GPC6: variants seen among roughly 807,000 people sequenced by gnomAD.
The protein encoded by GPC6 is glypican 6, also known as glypican-6.
GPC6 carries 14 observed loss-of-function variants against 55.2 expected under a neutral mutation model. The observed-to-expected ratio is 0.25, with a 90% confidence interval of 0.17 to 0.40. The LOEUF (loss-of-function observed/expected upper bound fraction) is 0.40. GPC6 is among the 10% of genes least tolerant of loss of function. The pLI, the probability that GPC6 is intolerant of heterozygous loss-of-function variation, is 1.00. For missense variants in GPC6, 641 were observed against 708.5 expected, an observed-to-expected ratio of 0.90 and a Z score of 1.08; for synonymous variants, 278 against 259.6, an observed-to-expected ratio of 1.07 and a Z score of -0.68.
chr13:94,362,107 G>T (rs1174054180), intron 6 of GPC6, among the ~76,000 whole-genome samples: 1 of 152,146 alleles, frequency 6.6e-6, no homozygotes, highest in Middle Eastern at 3.2e-3. Flanking sequence ...GACTCATTAA[G>T]CTGGAAAGTC....
At chr13:93,383,220 T>C (rs577826517) in intron 1 of GPC6, among the ~76,000 whole-genome samples, 2 of 152,256 alleles carry the variant, frequency 1.3e-5, no homozygotes, top group East Asian at 1.9e-4. Context: ...AATCTCCATA[T>C]ATTTATTTTG....
intron 6 of GPC6, among the ~76,000 whole-genome samples, chr13:94,347,916 C>T (rs1355931116): frequency 1.3e-5 from 2 of 152,188 alleles, no homozygotes; most frequent in African/African-American, 2.4e-5. Context: ...GGTGGGTACC[C>T]GATGTGCGAG....
rs1195177179 is a variant in GPC6, at chr13:93,780,209, CCAGT to C, written c.320-49942_320-49939del. On this transcript the variant is annotated intron_variant, in intron 2 of 8. Transcript: ENST00000377047. ...TTCCGCAAACTGTGAAGAAAACACA[CCAGT>C]CAACCTATAATTAAATATGTGTATT... Among the ~76,000 whole-genome samples, 11 of 152,020 alleles carry C rather than the reference CCAGT, an allele frequency of 7.2e-5. No individual in the cohort carries two copies. The South Asian group carries it at 1.5e-3, about 20-fold the overall frequency.
At chr13:93,862,017 C>CTCTCT (rs1040370443) in intron 3 of GPC6, among the ~76,000 whole-genome samples, 3 of 151,582 alleles carry the variant, frequency 2.0e-5, no homozygotes, top group African/African-American at 7.3e-5. Flanking sequence ...ATCACAAACC[C>CTCTCT]TCTCTCTATC....
intron 3 of GPC6, among the ~76,000 whole-genome samples, chr13:93,868,941 C>G (rs1234229623): frequency 1.3e-5 from 2 of 151,790 alleles, no homozygotes; most frequent in African/African-American, 4.8e-5. Flanking sequence ...GAGAGAAGTT[C>G]GGAACTGCTT....
At chr13:94,023,521 G>A (rs977791576) in intron 3 of GPC6, among the ~76,000 whole-genome samples, 2 of 151,918 alleles carry the variant, frequency 1.3e-5, no homozygotes, top group Admixed American at 1.3e-4. Context: ...CATATTGCTG[G>A]TAGAAATGTA....
At chr13:94,037,241 A>G (rs575060773) in intron 4 of GPC6, among the ~76,000 whole-genome samples, 70 of 152,050 alleles carry the variant, frequency 4.6e-4, no homozygotes, top group African/African-American at 1.6e-3. Flanking sequence ...GTATTTTTCA[A>G]TTAAATCCCT....
intron 3 of GPC6, among the ~76,000 whole-genome samples, chr13:93,833,196 G>C (rs1159272676): frequency 6.6e-6 from 1 of 151,304 alleles, no homozygotes; most frequent in Non-Finnish European, 1.5e-5. Flanking sequence ...GAAAGAAGCT[G>C]AGCAATGCTT....
chr13:93,990,638 C>T (rs1881255908), intron 3 of GPC6, among the ~76,000 whole-genome samples: 1 of 151,874 alleles, frequency 6.6e-6, no homozygotes. Context: ...AGGAGAATTG[C>T]TTGAGGCCAA....
chr13:93,793,727 C>T (rs1886117693), intron 2 of GPC6, among the ~76,000 whole-genome samples: 1 of 152,032 alleles, frequency 6.6e-6, no homozygotes, highest in Non-Finnish European at 1.5e-5. Flanking sequence ...TAGTAGTTAT[C>T]AAATAAAAAG....
intron 1 of GPC6, among the ~76,000 whole-genome samples, chr13:93,304,049 G>A (rs920960640): frequency 6.6e-6 from 1 of 151,862 alleles, no homozygotes; most frequent in Non-Finnish European, 1.5e-5. Context: ...TTGTATTTTA[G>A]TAGAGACGGG....
intron 2 of GPC6, among the ~76,000 whole-genome samples, chr13:93,633,190 A>C (rs1367256316): frequency 6.6e-6 from 1 of 152,170 alleles, no homozygotes; most frequent in African/African-American, 2.4e-5. Flanking sequence ...TAAGAATGTG[A>C]CTTCAAGGTA....
At chr13:93,487,318 C>T (rs1415712629) in intron 1 of GPC6, among the ~76,000 whole-genome samples, 2 of 152,130 alleles carry the variant, frequency 1.3e-5, no homozygotes, top group Admixed American at 1.3e-4. Flanking sequence ...AGACTGTTTT[C>T]ATTACCCAGG....
At chr13:93,267,603 A>G (rs1413459915) in intron 1 of GPC6, among the ~76,000 whole-genome samples, 1 of 152,200 alleles carries the variant, frequency 6.6e-6, no homozygotes, top group Non-Finnish European at 1.5e-5. Flanking sequence ...AAAGAGCTAC[A>G]CAAATGTGTG....
chr13:93,315,316 T>C (rs929816926), intron 1 of GPC6, among the ~76,000 whole-genome samples: 1 of 152,066 alleles, frequency 6.6e-6, no homozygotes, highest in Non-Finnish European at 1.5e-5. Context: ...GATCATATTG[T>C]GGATAATTGT....
chr13:93,833,765 C>G (rs60257121), intron 3 of GPC6, among the ~76,000 whole-genome samples: 4 of 152,064 alleles, frequency 2.6e-5, no homozygotes, highest in Non-Finnish European at 5.9e-5. Context: ...AAATGGAGGT[C>G]TAAATTGTAA....
At chr13:93,278,405 C>T (rs563342388) in intron 1 of GPC6, among the ~76,000 whole-genome samples, 36 of 152,334 alleles carry the variant, frequency 2.4e-4, no homozygotes, top group Non-Finnish European at 3.8e-4. Flanking sequence ...TGAAACTCTA[C>T]GCCCATTAAA....
intron 6 of GPC6, among the ~76,000 whole-genome samples, chr13:94,345,309 C>G (rs1224830161): frequency 6.6e-6 from 1 of 152,072 alleles, no homozygotes; most frequent in Non-Finnish European, 1.5e-5. Flanking sequence ...TAATACAGGG[C>G]TGTGCTCCCT....
chr13:93,510,388 G>C (rs1468220788), intron 1 of GPC6, among the ~76,000 whole-genome samples: 2 of 151,816 alleles, frequency 1.3e-5, no homozygotes, highest in Admixed American at 6.6e-5. Flanking sequence ...AACATTTTTA[G>C]TTCCCACCTA....
Sources: gnomAD v4.1 joint callset for allele counts (sites outside exome capture counted in the v4.1 genomes callset) on GRCh38, gnomAD v4.1.1 for gene constraint, MANE v1.5 for transcripts, NCBI Gene and HGNC (gene_info 2026-07-23, HGNC 2026-07-21) for gene names.